Variants in MICAL3 observed in about 807,000 individuals in gnomAD.
The protein encoded by MICAL3 is [F-actin]-monooxygenase MICAL3.
MICAL3 carries 62 observed loss-of-function variants against 207.4 expected under a neutral mutation model. The ratio of observed to expected loss-of-function variants is 0.30; its 90% CI spans 0.24 to 0.37. The LOEUF (loss-of-function observed/expected upper bound fraction) is 0.37. MICAL3 is among the 10% of genes least tolerant of loss of function. The probability of loss-of-function intolerance (pLI) is 1.00; values close to 1 mark genes in which losing one functional copy is unlikely to be tolerated. For missense variants in MICAL3, 2,368 were observed against 2,635.6 expected (o/e 0.90, Z 2.22); for synonymous variants, 1,077 against 1,069.3 (o/e 1.01, Z -0.14).
chr22:17,988,185 C>G (rs1273282545), intron 1 of MICAL3, among the ~76,000 whole-genome samples: 1 of 152,180 alleles, frequency 6.6e-6, no homozygotes, highest in African/African-American at 2.4e-5. Flanking sequence ...AAAACAAGGC[C>G]AGCTTTACCA....
At position 17,852,051 on chromosome 22, in the gene MICAL3, T is replaced by C. The variant is rs543141699; in HGVS notation, c.2606-10034A>G. Among the ~76,000 whole-genome samples the C allele has an allele frequency of 1.4e-4, 21 of 152,274 alleles. No individual in the cohort carries two copies. In the East Asian group the frequency reaches 2.7e-3, roughly 20 times the overall value. On this transcript the variant is annotated intron_variant, in intron 19 of 31. Coordinates refer to ENST00000441493, the MANE Select transcript of MICAL3 (RefSeq NM_015241.3). Reference sequence around the variant, plus strand: ...TGCCCCTGACACTCTCAGTCCGGAATGCATCCAAAGCCAGCTCTGATGTGA... The same window carrying C: ...TGCCCCTGACACTCTCAGTCCGGAACGCATCCAAAGCCAGCTCTGATGTGA...
intron 20 of MICAL3, among the ~76,000 whole-genome samples, chr22:17,833,602 C>T (rs757122225): frequency 8.5e-5 from 13 of 152,194 alleles, no homozygotes; most frequent in Non-Finnish European, 1.3e-4. Flanking sequence ...CTTGGCTCCA[C>T]GAAAGTAACC....
At chr22:17,798,966 C>G (rs922635856) in intron 29 of MICAL3, among the ~76,000 whole-genome samples, 3 of 152,044 alleles carry the variant, frequency 2.0e-5, no homozygotes, top group African/African-American at 7.2e-5. Context: ...AGCCACCGTG[C>G]CCGGCCAGAG....
chr22:17,896,367 G>C lies in MICAL3; in HGVS notation c.1207-6C>G, dbSNP rs1167181104. The stretch of plus-strand genomic sequence containing the variant: ...GTTCCCATTGGCCAGAAAGGCTGTA[G>C]ATAAGACATAAAACAAATAATTAAA... On this transcript the variant is annotated splice_region_variant and splice_polypyrimidine_tract_variant and intron_variant, in intron 8 of 31. Transcript: ENST00000441493. 6.8e-7 allele frequency: 1 copy of C among 1,474,352 alleles called. No homozygotes were observed. Among genetic ancestry groups the C allele is most frequent in the South Asian group, 1.2e-5 (1 of 82,162 alleles). The allele number at this position is 1,474,352 out of a possible 1,614,324, so 91.3% of individuals were successfully genotyped here.
chr22:17,886,307 C>T (rs1410709751), intron 15 of MICAL3, among the ~76,000 whole-genome samples: 1 of 152,226 alleles, frequency 6.6e-6, no homozygotes, highest in Non-Finnish European at 1.5e-5. Context: ...GACAAGGAGG[C>T]CCTGGTGCAC....
chr22:17,849,595 A>T (rs958966805), intron 19 of MICAL3, among the ~76,000 whole-genome samples: 2 of 148,216 alleles, frequency 1.3e-5, no homozygotes, highest in African/African-American at 5.0e-5. Flanking sequence ...CTGACTTCCC[A>T]AAGTGTTGGG....
chr22:17,856,811 C>T (rs558609007), intron 19 of MICAL3, among the ~76,000 whole-genome samples: 8 of 151,732 alleles, frequency 5.3e-5, no homozygotes, highest in South Asian at 2.1e-4. Flanking sequence ...TTAGTAGAGA[C>T]GGGGTTTCAC....
intron 22 of MICAL3, 28 bp from the exon 23 acceptor site, chr22:17,823,088 G>T (rs1434947427): frequency 2.1e-6 from 3 of 1,449,510 alleles, no homozygotes; most frequent in African/African-American, 2.8e-5. Context: ...TCAAAGGAAG[G>T]AAGAAAAGGA....
chr22:17,881,748 C>T (rs1929451301), intron 16 of MICAL3, among the ~76,000 whole-genome samples: 1 of 152,114 alleles, frequency 6.6e-6, no homozygotes, highest in Non-Finnish European at 1.5e-5. Context: ...GCACTGCTGC[C>T]CTCCTCTCAG....
chr22:17,892,455 T>C (rs1476236846), intron 11 of MICAL3, among the ~76,000 whole-genome samples: 1 of 152,240 alleles, frequency 6.6e-6, no homozygotes, highest in Non-Finnish European at 1.5e-5. Context: ...CTAAGTCATT[T>C]AGTAATTTGT....
intron 1 of MICAL3, among the ~76,000 whole-genome samples, chr22:18,011,653 G>A (rs953266360): frequency 1.3e-5 from 2 of 151,532 alleles, no homozygotes; most frequent in African/African-American, 4.9e-5. Context: ...GGCAGATCAC[G>A]AGGTCAGGAG....
chr22:17,893,765 G>A, intron 11 of MICAL3, 43 bp downstream of exon 11: 1 of 1,406,856 alleles, frequency 7.1e-7, no homozygotes, highest in Non-Finnish European at 9.8e-7. Context: ...AGACTTCTCT[G>A]AAGGGGCTGC....
intron 1 of MICAL3, among the ~76,000 whole-genome samples, chr22:17,959,803 A>C (rs889369445): frequency 3.3e-5 from 5 of 151,884 alleles, no homozygotes; most frequent in African/African-American, 9.7e-5. Flanking sequence ...TGGGACAGAA[A>C]AATAAAGGCA....
At chr22:18,020,023 C>CAGGAT (rs199778545) in intron 1 of MICAL3, 31,356 of 151,308 alleles carry the variant, frequency 0.21, 3,755 homozygotes, top group East Asian at 0.37. Flanking sequence ...CTGTGTCAGC[C>CAGGAT]AGGATGGTCT....
At chr22:18,017,831 A>C (rs889734318) in intron 1 of MICAL3, among the ~76,000 whole-genome samples, 2 of 150,654 alleles carry the variant, frequency 1.3e-5, no homozygotes, top group African/African-American at 2.5e-5. Context: ...GCTCACTGCA[A>C]GCTCCGCCTC....
intron 29 of MICAL3, chr22:17,791,602 A>G: frequency 2.4e-6 from 1 of 418,750 alleles, no homozygotes; most frequent in Admixed American, 3.7e-5. Flanking sequence ...AGGATGACTT[A>G]CATTGCTTTC....
At chr22:17,856,376 C>T (rs907901072) in intron 19 of MICAL3, among the ~76,000 whole-genome samples, 5 of 152,182 alleles carry the variant, frequency 3.3e-5, no homozygotes, top group African/African-American at 9.7e-5. Context: ...CTCTCGGCAA[C>T]ACAGCAAGCC....
chr22:17,817,314 C>A lies in MICAL3; in HGVS notation c.5347G>T (p.Ala1783Ser). The A allele has an allele frequency of 6.3e-7, 1 of 1,593,364 alleles. No individual in the cohort carries two copies. The highest frequency in any genetic ancestry group is 8.5e-7 in the Non-Finnish European group (1 of 1,170,316). ...GCGGACCCGGCTGCTGACGCACCTG[C>A]CCTTACGACGGGAAGCACCCTGTGC... Reference protein sequence around the residue: ...GKHRVLPVVRAELQLRRQLSF... With the variant: ...GKHRVLPVVRSELQLRRQLSF... Residue 1783 changes from alanine to serine, a missense_variant, in exon 26 of 32, where the codon GCA becomes TCA. Physicochemically the swap from Ala to Ser is moderately conservative, Grantham distance 99. This residue lies in a region of MICAL3 where 1,770 missense variants were observed against 1,863.2 expected (regional missense o/e 0.95). Transcript: ENST00000441493.
chr22:17,844,212 G>A (rs938017869), intron 19 of MICAL3, among the ~76,000 whole-genome samples: 1 of 152,174 alleles, frequency 6.6e-6, no homozygotes, highest in African/African-American at 2.4e-5. Flanking sequence ...TCATGACTGG[G>A]CTGGCATCCT....
Sources: allele counts gnomAD v4.1 joint callset (sites outside exome capture counted in the v4.1 genomes callset), GRCh38; gene constraint gnomAD v4.1.1; regional missense constraint gnomAD v4.1.1; transcripts MANE v1.5; gene names NCBI Gene and HGNC (gene_info 2026-07-23, HGNC 2026-07-21).